Variants in MED14 observed in about 807,000 individuals in gnomAD.
The protein encoded by MED14 is mediator complex subunit 14.
A neutral mutation model predicts 109.0 loss-of-function variants in MED14; 8 were observed. The ratio of observed to expected loss-of-function variants is 0.07; its 90% CI spans 0.04 to 0.13. MED14 has a LOEUF of 0.13. Ranked by LOEUF, MED14 falls within the 10% of genes least tolerant of loss-of-function variation. The pLI, the probability that MED14 is intolerant of heterozygous loss-of-function variation, is 1.00. For synonymous variants in MED14, 399 were observed against 408.7 expected, an observed-to-expected ratio of 0.98 and a Z score of 0.29; for missense variants, 711 against 1,142.4, an observed-to-expected ratio of 0.62 and a Z score of 5.44.
intron 28 of MED14, among the ~76,000 whole-genome samples, chrX:40,658,442 A>G (rs1228150022): frequency 9.0e-6 from 1 of 111,509 alleles, no homozygotes; most frequent in Non-Finnish European, 1.9e-5. Flanking sequence ...GGACCAACAA[A>G]GCTGAGGAGT....
intron 15 of MED14, among the ~76,000 whole-genome samples, chrX:40,689,942 G>A (rs1201882955): frequency 9.0e-6 from 1 of 111,688 alleles, no homozygotes; most frequent in East Asian, 2.8e-4. Flanking sequence ...GGACAGAGAG[G>A]ACGTATGTCT....
At chrX:40,686,127 G>A (rs762843260) in intron 16 of MED14, among the ~76,000 whole-genome samples, 4 of 111,138 alleles carry the variant, frequency 3.6e-5, no homozygotes, top group Admixed American at 2.9e-4. Context: ...TAACATATCC[G>A]TTTATGTATA....
Position 40,651,660 on chromosome X carries a change from T to G in MED14, c.*146A>C. On this transcript the variant is annotated 3_prime_UTR_variant, in exon 31 of 31. Transcript: ENST00000324817. ...TGGATGATCATTTTGATGAAAGAAG[T>G]GCACCCTGAAAATTTTTGCCAGTTT... The G allele has an allele frequency of 2.8e-6, 3 of 1,055,409 alleles. No individual in the cohort carries two copies. The highest frequency in any genetic ancestry group is 3.0e-5 in the South Asian group (1 of 33,881). The allele number at this position is 1,055,409 out of a possible 1,213,427, so 87.0% of individuals were successfully genotyped here.
chrX:40,718,645 G>A (rs1931618652), intron 3 of MED14, among the ~76,000 whole-genome samples: 1 of 111,329 alleles, frequency 9.0e-6, no homozygotes, highest in South Asian at 3.8e-4. Context: ...ACCAGCCTGG[G>A]CAACCAAGTA....
chrX:40,721,464 T>C (rs1320158739), intron 3 of MED14, among the ~76,000 whole-genome samples: 3 of 112,717 alleles, frequency 2.7e-5, no homozygotes, highest in Admixed American at 9.3e-5. Context: ...GAGTGCCAGC[T>C]TAGCCGCAGT....
chrX:40,672,032 G>T, intron 22 of MED14, 60 bp from the exon 23 acceptor site: 1 of 637,108 alleles, frequency 1.6e-6, no homozygotes, highest in Non-Finnish European at 2.5e-6. Flanking sequence ...ATAAGAGTGT[G>T]GCTTTCACTA....
chrX:40,731,193 A>C (rs972011994), intron 1 of MED14, among the ~76,000 whole-genome samples: 1 of 109,270 alleles, frequency 9.2e-6, no homozygotes, highest in Admixed American at 9.8e-5. Context: ...CAAGGCAGAG[A>C]GTAAACTCTA....
At chrX:40,724,785 C>T (rs1931840848) in intron 3 of MED14, among the ~76,000 whole-genome samples, 1 of 110,259 alleles carries the variant, frequency 9.1e-6, no homozygotes, top group Admixed American at 9.6e-5. Flanking sequence ...AAACCTGAAA[C>T]CAAAATTAGA....
chrX:40,673,681 T>C (rs768209053), intron 22 of MED14, among the ~76,000 whole-genome samples: 7 of 109,839 alleles, frequency 6.4e-5, no homozygotes, highest in Admixed American at 1.9e-4. Context: ...ACCCCCTCTC[T>C]ACTAAAAATA....
At chrX:40,651,921 G>A (rs1928893709) in intron 30 of MED14, 42 bp from the exon 31 acceptor site, 2 of 1,150,463 alleles carry the variant, frequency 1.7e-6, no homozygotes, top group South Asian at 2.1e-5. Flanking sequence ...CACAACACAG[G>A]AAAGATGTTA....
intron 21 of MED14, among the ~76,000 whole-genome samples, chrX:40,679,167 C>T (rs1422189046): frequency 8.9e-6 from 1 of 112,233 alleles, no homozygotes; most frequent in East Asian, 2.8e-4. Context: ...GCACAGGTTA[C>T]TGTGATTCTA....
intron 10 of MED14, among the ~76,000 whole-genome samples, chrX:40,707,155 A>ATAGAGG (rs1931182867): frequency 9.0e-6 from 1 of 111,097 alleles, no homozygotes; most frequent in African/African-American, 3.3e-5. Context: ...ATAGATAGAG[A>ATAGAGG]CCAGCCTGGG....
At chrX:40,675,120 C>T in intron 22 of MED14, 101 bp downstream of exon 22, 1 of 790,483 alleles carries the variant, frequency 1.3e-6, no homozygotes, top group Admixed American at 4.0e-5. Context: ...GCATCTCAGG[C>T]CCACCAAGGA....
At chrX:40,729,454 G>A in intron 1 of MED14, 109 bp from the exon 2 acceptor site, 1 of 743,768 alleles carries the variant, frequency 1.3e-6, no homozygotes, top group Non-Finnish European at 1.9e-6. Context: ...AGAAAAACTG[G>A]GTAAACAGCT....
chrX:40,711,148 A>C, intron 8 of MED14, 21 bp downstream of exon 8: 1 of 1,206,105 alleles, frequency 8.3e-7, no homozygotes, highest in Non-Finnish European at 1.1e-6. Flanking sequence ...GCACGAACCC[A>C]CCAGAACTGA....
chrX:40,735,500 G>T lies in MED14; in HGVS notation c.-88C>A, dbSNP rs755399036. 1.1e-6 allele frequency: 1 copy of T among 887,654 alleles called. No homozygotes were observed. Among genetic ancestry groups the T allele is most frequent in the South Asian group, 2.1e-5 (1 of 46,994 alleles). The allele number at this position is 887,654 out of a possible 1,213,427, so 73.2% of individuals were successfully genotyped here. A position where few individuals can be genotyped will look rare whatever the true frequency, so the allele number is the denominator to read the frequency against. Reference sequence around the variant, plus strand: ...TCGGTCACCGCGCCGAAACGGGAGCGGGCAGAGTCGCCACCGCCTACCGCC... The same window carrying T: ...TCGGTCACCGCGCCGAAACGGGAGCTGGCAGAGTCGCCACCGCCTACCGCC... On this transcript the variant is annotated 5_prime_UTR_variant, in exon 1 of 31. Transcript: ENST00000324817.
At chrX:40,716,998 G>A (rs1931546385) in intron 3 of MED14, among the ~76,000 whole-genome samples, 1 of 111,518 alleles carries the variant, frequency 9.0e-6, no homozygotes, top group South Asian at 3.7e-4. Context: ...CTGGTTAGGA[G>A]AAGCTGGGAA....
chrX:40,652,696 G>C (rs1156817669), intron 30 of MED14, among the ~76,000 whole-genome samples: 1 of 112,047 alleles, frequency 8.9e-6, no homozygotes, highest in Non-Finnish European at 1.9e-5. Flanking sequence ...ATTTGTGGGT[G>C]GGGAGGGTGC....
chrX:40,665,241 C>T (rs747684159), intron 24 of MED14, among the ~76,000 whole-genome samples: 24 of 111,360 alleles, frequency 2.2e-4, no homozygotes, highest in African/African-American at 3.3e-4. Context: ...CACCAAAGAC[C>T]GGCTAGGCAC....
Sources: gnomAD v4.1 joint callset for allele counts (sites outside exome capture counted in the v4.1 genomes callset) on GRCh38, gnomAD v4.1.1 for gene constraint, MANE v1.5 for transcripts, NCBI Gene and HGNC (gene_info 2026-07-23, HGNC 2026-07-21) for gene names.